RNLS: variants seen among roughly 807,000 people sequenced by gnomAD.
RNLS encodes renalase, FAD dependent amine oxidase.
In RNLS, 39 loss-of-function variants were observed where a neutral mutation model predicts 39.8. The observed-to-expected ratio is 0.98, with a 90% CI of 0.76 to 1.28. RNLS has a LOEUF of 1.28. Ranked by LOEUF, RNLS falls within the 50% of genes most tolerant of loss-of-function variation. RNLS has a pLI of 0.00. For missense variants in RNLS, 410 were observed against 413.3 expected (o/e 0.99, Z 0.07); for synonymous variants, 147 against 150.7 (o/e 0.98, Z 0.18).
intron 5 of RNLS, among the ~76,000 whole-genome samples, chr10:88,361,280 T>C (rs1849620441): frequency 6.6e-6 from 1 of 152,232 alleles, no homozygotes; most frequent in African/African-American, 2.4e-5. Flanking sequence ...CTTCAACCTA[T>C]GTCTGTGGAG....
At chr10:88,582,413 A>C in intron 1 of RNLS, 106 bp from the exon 2 acceptor site, 1 of 831,928 alleles carries the variant, frequency 1.2e-6, no homozygotes. Context: ...AAAATATCTT[A>C]AGAAACTTTT....
the RNLS span, among the ~76,000 whole-genome samples, chr10:88,245,584 T>G: frequency 6.6e-6 from 1 of 152,250 alleles, no homozygotes. Context: ...AAATTCACCC[T>G]GTGCTGGGCT....
At chr10:88,283,424 C>A (rs553166346), downstream of RNLS, among the ~76,000 whole-genome samples, 1 of 152,072 alleles carries the variant, frequency 6.6e-6, no homozygotes, top group Non-Finnish European at 1.5e-5. Context: ...CCCTCCCCCT[C>A]CTTTGGAGGA....
intron 4 of RNLS, among the ~76,000 whole-genome samples, chr10:88,381,284 C>T (rs899917098): frequency 3.9e-5 from 6 of 152,050 alleles, no homozygotes; most frequent in African/African-American, 1.4e-4. Context: ...CCCCATATAT[C>T]CAGGTCATTT....
chr10:88,322,361 G>A (rs911428684), intron 5 of RNLS, among the ~76,000 whole-genome samples: 10 of 152,034 alleles, frequency 6.6e-5, no homozygotes, highest in Admixed American at 5.2e-4. Flanking sequence ...GCATTTCCCC[G>A]ATATGGTTTG....
At chr10:88,175,078 G>A in the RNLS span, among the ~76,000 whole-genome samples, 1 of 151,956 alleles carries the variant, frequency 6.6e-6, no homozygotes, top group Admixed American at 6.5e-5. Flanking sequence ...ATTATCCTTT[G>A]TATTTCTGTG....
At chr10:88,446,956 T>A (rs955235315) in intron 4 of RNLS, among the ~76,000 whole-genome samples, 1 of 152,206 alleles carries the variant, frequency 6.6e-6, no homozygotes, top group Non-Finnish European at 1.5e-5. Context: ...TTGACAAAAT[T>A]CAGCAGCCCT....
At chr10:88,290,198 C>T (rs1843570497) in intron 6 of RNLS, among the ~76,000 whole-genome samples, 1 of 152,172 alleles carries the variant, frequency 6.6e-6, no homozygotes, top group South Asian at 2.1e-4. Flanking sequence ...GCTAAAGCTA[C>T]AGTGCGTCCC....
the RNLS span, among the ~76,000 whole-genome samples, chr10:88,204,978 G>T: frequency 6.6e-6 from 1 of 152,136 alleles, no homozygotes; most frequent in African/African-American, 2.4e-5. Context: ...TGCTATGATA[G>T]AATATCCAGT....
At chr10:88,431,117 TAGA>T (rs1360229125) in intron 4 of RNLS, among the ~76,000 whole-genome samples, 3 of 151,702 alleles carry the variant, frequency 2.0e-5, no homozygotes, top group Non-Finnish European at 3.0e-5. Context: ...TTTTCTTTGT[TAGA>T]AGGTTTTAAC....
chr10:88,536,246 G>C (rs1305745876), intron 4 of RNLS, among the ~76,000 whole-genome samples: 2 of 152,128 alleles, frequency 1.3e-5, no homozygotes, highest in Non-Finnish European at 2.9e-5. Context: ...TATGCTCCTT[G>C]TTCTCACACC....
At chr10:88,178,534 T>C in the RNLS span, among the ~76,000 whole-genome samples, 1 of 152,142 alleles carries the variant, frequency 6.6e-6, no homozygotes. Flanking sequence ...TTCCCTGCAG[T>C]GGGGAATCCC....
chr10:88,467,936 T>A (rs1354258967), intron 4 of RNLS, among the ~76,000 whole-genome samples: 1 of 152,248 alleles, frequency 6.6e-6, no homozygotes, highest in Admixed American at 6.5e-5. Context: ...TATTACACTT[T>A]GGGAAGCATT....
intron 4 of RNLS, among the ~76,000 whole-genome samples, chr10:88,530,106 T>C (rs1847328231): frequency 6.6e-6 from 1 of 152,208 alleles, no homozygotes; most frequent in Non-Finnish European, 1.5e-5. Flanking sequence ...CAAGAGTGCC[T>C]GACCTGGATC....
intron 4 of RNLS, among the ~76,000 whole-genome samples, chr10:88,421,299 A>G (rs187509822): frequency 8.5e-5 from 13 of 152,328 alleles, no homozygotes; most frequent in African/African-American, 3.1e-4. Flanking sequence ...AGCCCTACTC[A>G]TAGAATAAAA....
chr10:88,463,829 CTG>C (rs956619654), intron 4 of RNLS, among the ~76,000 whole-genome samples: 3 of 151,396 alleles, frequency 2.0e-5, no homozygotes, highest in Non-Finnish European at 4.4e-5. Flanking sequence ...GTGTTTATCT[CTG>C]TGTGTGTGTG....
the RNLS span, among the ~76,000 whole-genome samples, chr10:88,242,376 A>G: frequency 6.6e-6 from 1 of 152,252 alleles, no homozygotes; most frequent in Admixed American, 6.5e-5. Flanking sequence ...ATACCACAGT[A>G]GAATTTAATC....
intron 4 of RNLS, among the ~76,000 whole-genome samples, chr10:88,405,824 G>C (rs1853228096): frequency 6.6e-6 from 1 of 152,004 alleles, no homozygotes; most frequent in Non-Finnish European, 1.5e-5. Context: ...GGTCCTGAGT[G>C]ATTTATACTT....
chr10:88,380,557 G>C lies in RNLS; in HGVS notation c.527-17832C>G, dbSNP rs1029017374. On this transcript the variant is annotated intron_variant, in intron 4 of 6. Coordinates refer to ENST00000331772, the MANE Select transcript of RNLS (RefSeq NM_001031709.3). ...TGCCCAGCTAATTTTTTTTTTTTTT[G>C]TATTTTTTAGTAGAGACGGGGTTTC... Among the ~76,000 whole-genome samples, 6 of 139,156 alleles carry C rather than the reference G, an allele frequency of 4.3e-5. No individual in the cohort carries two copies. The East Asian group carries it at 1.3e-3, about 29-fold the overall frequency. The allele number at this position is 139,156 out of a possible 152,430, so 91.3% of individuals were successfully genotyped here.
Sources: allele counts gnomAD v4.1 joint callset (sites outside exome capture counted in the v4.1 genomes callset), GRCh38; gene constraint gnomAD v4.1.1; transcripts MANE v1.5; gene names NCBI Gene and HGNC (gene_info 2026-07-23, HGNC 2026-07-21).